The following CCDC80 variants were observed in gnomAD, a reference collection of about 807,000 sequenced individuals.
The protein encoded by CCDC80 is coiled-coil domain-containing protein 80.
CCDC80 carries 49 observed loss-of-function variants against 78.7 expected under a neutral mutation model. The ratio of observed to expected loss-of-function variants is 0.62; its 90% CI spans 0.50 to 0.79. The LOEUF is 0.79. Among genes scored for constraint, CCDC80 ranks in the 30% least tolerant of loss-of-function variants. The probability of loss-of-function intolerance (pLI) is 0.00; values close to 1 mark genes in which losing one functional copy is unlikely to be tolerated. For missense variants in CCDC80, 1,205 were observed against 1,198.6 expected (o/e 1.01, Z -0.08); for synonymous variants, 488 against 447.0 (o/e 1.09, Z -1.16).
At position 112,597,038 on chromosome 3, in the gene CCDC80, G is replaced by A. The variant is rs975998340; in HGVS notation, c.*8379C>T. 2.6e-5 allele frequency: 4 copies of A among 152,108 alleles called. No individual in the cohort carries two copies. Among genetic ancestry groups the A allele is most frequent in the African/African-American group, 9.7e-5 (4 of 41,402 alleles). The allele number at this position is 152,108 out of a possible 1,614,324, so 9.4% of individuals were successfully genotyped here. A position where few individuals can be genotyped will look rare whatever the true frequency, so the allele number is the denominator to read the frequency against. ...GTCTGTCTGGTCATGTTATCAGCCAGTCTTACTTAATGTATTAGGCCAGTT... is the reference window on the plus strand; with the variant it reads ...GTCTGTCTGGTCATGTTATCAGCCAATCTTACTTAATGTATTAGGCCAGTT... On this transcript the variant is annotated 3_prime_UTR_variant, in exon 8 of 8. Transcript: ENST00000206423.
intron 5 of CCDC80, among the ~76,000 whole-genome samples, chr3:112,612,865 A>ATTTT (rs5851854): frequency 7.6e-4 from 99 of 129,762 alleles, no homozygotes; most frequent in African/African-American, 2.8e-3. Flanking sequence ...CAGGACTGTA[A>ATTTT]TTTTTTTTTT....
At chr3:112,637,531 G>A (rs959930679) in intron 2 of CCDC80, among the ~76,000 whole-genome samples, 4 of 152,144 alleles carry the variant, frequency 2.6e-5, no homozygotes, top group African/African-American at 9.7e-5. Context: ...AGTGAAAGAG[G>A]GGACCTCTGC....
At chr3:112,617,598 T>G (rs1484749878) in intron 4 of CCDC80, among the ~76,000 whole-genome samples, 1 of 152,192 alleles carries the variant, frequency 6.6e-6, no homozygotes, top group African/African-American at 2.4e-5. Flanking sequence ...ACCTCTCTCA[T>G]TAGAGATGAG....
Position 112,638,690 on chromosome 3 carries a change from T to C in CCDC80, c.1216A>G (p.Arg406Gly), listed in dbSNP as rs757520785. ...PPTTTEVITA[R>G]RPSVSENLYP... is the part of the protein sequence containing the mutation. ...AGATTCTCTGAAACTGAGGGTCTCC[T>C]GGCAGTGATCACCTCAGTGGTTGTA... The change falls in exon 2 of 8, where the codon AGG becomes GGG. Residue 406 changes from arginine (R) to glycine (G), a missense_variant. By Grantham distance (125) the Arg-to-Gly change is moderately radical. Transcript: ENST00000206423. 1.4e-5 allele frequency: 22 copies of C among 1,614,004 alleles called. No individual in the cohort carries two copies. The highest frequency in any genetic ancestry group is 3.3e-5 in the Admixed American group (2 of 60,012).
intron 4 of CCDC80, among the ~76,000 whole-genome samples, chr3:112,618,172 T>G (rs2107479838): frequency 6.6e-6 from 1 of 152,282 alleles, no homozygotes; most frequent in African/African-American, 2.4e-5. Flanking sequence ...CATGGTATAG[T>G]TTTTCATGGT....
chr3:112,610,184 C>CA (rs1576780625), intron 5 of CCDC80, 103 bp from the exon 6 acceptor site: 6 of 913,736 alleles, frequency 6.6e-6, no homozygotes, highest in Admixed American at 4.4e-5. Flanking sequence ...TTTCTGTGCC[C>CA]AGAAAAAAAA....
chr3:112,640,168 C>T (rs9867263), intron 1 of CCDC80, among the ~76,000 whole-genome samples, 159 bp downstream of exon 1: 50 of 152,272 alleles, frequency 3.3e-4, no homozygotes, highest in Non-Finnish European at 6.0e-4. Context: ...TTCAGTTTCC[C>T]AGTCAGCATG....
intron 5 of CCDC80, among the ~76,000 whole-genome samples, chr3:112,613,841 T>C (rs1052756390): frequency 6.6e-6 from 1 of 151,546 alleles, no homozygotes; most frequent in African/African-American, 2.4e-5. Flanking sequence ...TATAGTAATA[T>C]AGTAATAATT....
At chr3:112,628,025 A>G (rs1936013650) in intron 3 of CCDC80, among the ~76,000 whole-genome samples, 3 of 152,196 alleles carry the variant, frequency 2.0e-5, no homozygotes, top group African/African-American at 7.2e-5. Context: ...GATTTTTCCA[A>G]GCTTCTCTGA....
rs879640605 is a variant in CCDC80 at position 112,604,684 on chromosome 3, T to A, written c.*733A>T. ...AAGTGTGAGGGGTCAAGAATTTTCATGCCAGAAATTCCATAGCAGCCTACT... is the reference window on the plus strand; with the variant it reads ...AAGTGTGAGGGGTCAAGAATTTTCAAGCCAGAAATTCCATAGCAGCCTACT... On this transcript the variant is annotated 3_prime_UTR_variant, in exon 8 of 8. Coordinates refer to ENST00000206423, the MANE Select transcript of CCDC80 (RefSeq NM_199511.3). The A allele has an allele frequency of 6.6e-6, 1 of 152,268 alleles. No homozygotes were observed. The highest frequency in any genetic ancestry group is 2.4e-5 in the African/African-American group (1 of 41,456). 9.4% of individuals were successfully genotyped at this position (152,268 alleles called of 1,614,324 possible).
At chr3:112,606,934 G>T (rs1031909485) in intron 7 of CCDC80, among the ~76,000 whole-genome samples, 2 of 152,062 alleles carry the variant, frequency 1.3e-5, no homozygotes, top group Admixed American at 1.3e-4. Context: ...TAAGAAAAAT[G>T]GATATTTTTA....
Position 112,621,917 on chromosome 3 carries a change from G to T in CCDC80, c.2036-2813C>A, listed in dbSNP as rs180671302. ...GCTCAAATTTTCCCTGTCCAGTCTT[G>T]TATCTCTCACCCCTCATAAGTATTG... On this transcript the variant is annotated intron_variant, in intron 3 of 7. Transcript: ENST00000206423. Among the ~76,000 whole-genome samples the T allele has an allele frequency of 1.9e-3, 287 of 152,318 alleles. 2 individuals carry two copies. Among genetic ancestry groups the T allele is most frequent in the African/African-American group, 6.7e-3 (277 of 41,544 alleles).
intron 6 of CCDC80, among the ~76,000 whole-genome samples, chr3:112,608,792 A>G (rs1935565126): frequency 6.6e-6 from 1 of 152,134 alleles, no homozygotes; most frequent in Admixed American, 6.5e-5. Flanking sequence ...GTACAAATAA[A>G]AATTTCTGAA....
chr3:112,599,619 C>G lies in CCDC80; in HGVS notation c.*5798G>C, dbSNP rs889586116. 6.6e-6 allele frequency: 1 copy of G among 152,242 alleles called. No homozygotes were observed. Among genetic ancestry groups the G allele is most frequent in the Non-Finnish European group, 1.5e-5 (1 of 68,080 alleles). 9.4% of individuals were successfully genotyped at this position (152,242 alleles called of 1,614,324 possible). The stretch of plus-strand genomic sequence containing the variant: ...AATCTCCACACATTCAGTACTGAGA[C>G]ACATTAAGAAGGGCCCACTGAGGCC... On this transcript the variant is annotated 3_prime_UTR_variant, in exon 8 of 8. Transcript: ENST00000206423.
At chr3:112,618,845 A>T in intron 4 of CCDC80, 123 bp downstream of exon 4, 2 of 1,118,736 alleles carry the variant, frequency 1.8e-6, no homozygotes, top group Non-Finnish European at 2.5e-6. Flanking sequence ...GGCCCATCTC[A>T]AAACTTTCCC....
intron 3 of CCDC80, among the ~76,000 whole-genome samples, chr3:112,620,922 G>A (rs1935851483): frequency 6.6e-6 from 1 of 152,182 alleles, no homozygotes; most frequent in Admixed American, 6.5e-5. Context: ...TGTGCTGAGT[G>A]CTAGATTCAG....
intron 6 of CCDC80, among the ~76,000 whole-genome samples, chr3:112,609,728 G>A (rs1935586839): frequency 6.6e-6 from 1 of 151,690 alleles, no homozygotes; most frequent in Non-Finnish European, 1.5e-5. Context: ...TAAATCAGAA[G>A]ATATTTTCAA....
Position 112,638,524 on chromosome 3 carries a change from C to G in CCDC80, c.1382G>C (p.Gly461Ala). ...GTCCATGCGGTTGTCCCGGAAACGGCCTGGGCCAGCAGCCCTTGTGCTGGG... is the reference window on the plus strand; with the variant it reads ...GTCCATGCGGTTGTCCCGGAAACGGGCTGGGCCAGCAGCCCTTGTGCTGGG... Reference protein sequence around the residue: ...SEPSTRAAGPGRFRDNRMDRR... With the variant: ...SEPSTRAAGPARFRDNRMDRR... The change falls in exon 2 of 8, where the codon GGC (glycine) becomes GCC (alanine). Residue 461 changes from glycine to alanine, a missense_variant. Transcript: ENST00000206423. 2.5e-6 allele frequency: 4 copies of G among 1,614,020 alleles called. No individual in the cohort carries two copies. The highest frequency in any genetic ancestry group is 3.4e-6 in the Non-Finnish European group (4 of 1,180,012).
At chr3:112,620,998 T>G (rs16859850) in intron 3 of CCDC80, among the ~76,000 whole-genome samples, 13,857 of 152,182 alleles carry the variant, frequency 0.091, 1,630 homozygotes, top group African/African-American at 0.27. Flanking sequence ...TAGCATCTAC[T>G]TAATGGACAA....
Sources: gnomAD v4.1 joint callset for allele counts (sites outside exome capture counted in the v4.1 genomes callset) on GRCh38, gnomAD v4.1.1 for gene constraint, MANE v1.5 for transcripts, NCBI Gene and HGNC (gene_info 2026-07-23, HGNC 2026-07-21) for gene names.